Variants in ADAM8 observed in about 807,000 individuals in gnomAD.
ADAM8 encodes the protein disintegrin and metalloproteinase domain-containing protein 8.
In ADAM8, 104 loss-of-function variants were observed where a neutral mutation model predicts 102.4. That is an observed-to-expected ratio of 1.02 (90% CI 0.87 to 1.20). The LOEUF (loss-of-function observed/expected upper bound fraction) is 1.20. Ranked by LOEUF, ADAM8 falls within the 50% of genes most tolerant of loss-of-function variation. The pLI, the probability that ADAM8 is intolerant of heterozygous loss-of-function variation, is 0.00. For missense variants in ADAM8, 1,132 were observed against 1,159.0 expected (o/e 0.98, Z 0.34); for synonymous variants, 517 against 485.2 (o/e 1.07, Z -0.86).
intron 1 of ADAM8, chr10:133,275,894 G>A (rs1403096673): frequency 2.5e-5 from 8 of 320,334 alleles, no homozygotes; most frequent in African/African-American, 8.6e-5. Flanking sequence ...GGAGGGGCCC[G>A]AGGGCAAGGA....
rs1311014449 is a variant in ADAM8 at position 133,272,206 on chromosome 10, C to T, written c.944G>A (p.Gly315Glu). 6.5e-6 allele frequency: 10 copies of T among 1,549,956 alleles called. No homozygotes were observed. Among genetic ancestry groups the T allele is most frequent in the Non-Finnish European group, 8.7e-6 (10 of 1,146,748 alleles). ...GAGCCCCCTCACCTGGTTCACAGCC[C>T]CTGAGCTGTGGGAGCACATGGCGGA... ...RVSAMCSHSS[G>E]AVNQDHSKNP... Residue 315 changes from glycine (G) to glutamate (E), a missense_variant, in exon 10 of 23, where the codon GGG (glycine) becomes GAG (glutamate). Coordinates refer to ENST00000445355, the MANE Select transcript of ADAM8 (RefSeq NM_001109.5).
rs1157512804 is a variant in ADAM8 at position 133,275,570 on chromosome 10, G to A, written c.64C>T (p.Pro22Ser). The change falls in exon 2 of 23, where the codon CCC (proline) becomes TCC (serine). Residue 22 changes from proline to serine, a missense_variant. By Grantham distance (74) the Pro-to-Ser change is moderately conservative. Transcript: ENST00000445355. ...TCATACTGCTCCATGAGGGCCCAGG[G>A]CCGGCTGGGGGCAATCGCTGCAGGA... Reference protein sequence around the residue: ...MMLPAIAPSRPWALMEQYEVV... With the variant: ...MMLPAIAPSRSWALMEQYEVV... The A allele has an allele frequency of 2.7e-6, 4 of 1,491,854 alleles. No homozygotes were observed. Among genetic ancestry groups the A allele is most frequent in the Admixed American group, 2.6e-5 (1 of 38,366 alleles). 92.4% of individuals were successfully genotyped at this position (1,491,854 alleles called of 1,614,324 possible).
At chr10:133,270,006 C>T (rs758531654) in intron 16 of ADAM8, 32 bp from the exon 17 acceptor site, 1 of 1,606,350 alleles carries the variant, frequency 6.2e-7, no homozygotes, top group Non-Finnish European at 8.5e-7. Flanking sequence ...CAGGCAGCCG[C>T]TCTGGACCTC....
chr10:133,263,148 G>C lies in ADAM8; in HGVS notation c.*8C>G. The C allele has an allele frequency of 6.2e-7, 1 of 1,614,024 alleles. No individual in the cohort carries two copies. Among genetic ancestry groups the C allele is most frequent in the African/African-American group, 1.3e-5 (1 of 75,064 alleles). ...TCTCCAAATTTCCACACAGGCGCAG[G>C]TGCCCCCCTAGGGTGCTGTGGGAGC... On this transcript the variant is annotated 3_prime_UTR_variant, in exon 23 of 23. Coordinates refer to ENST00000445355, the MANE Select transcript of ADAM8 (RefSeq NM_001109.5).
At position 133,268,674 on chromosome 10, in the gene ADAM8, T is replaced by C. The variant is rs1429303249; in HGVS notation, c.2063+74A>G. 2.7e-6 allele frequency: 4 copies of C among 1,490,812 alleles called. No individual in the cohort carries two copies. In the Admixed American group the frequency reaches 5.8e-5, roughly 22 times the overall value. 92.3% of individuals were successfully genotyped at this position (1,490,812 alleles called of 1,614,324 possible). On this transcript the variant is annotated intron_variant, in intron 19 of 22. Transcript: ENST00000445355. ...CGTGCCGTCCACCATGGGCCCGTGC[T>C]GGGCACTCCTTCCTCTGGCAGCTGA...
intron 21 of ADAM8, among the ~76,000 whole-genome samples, chr10:133,265,784 C>T (rs555702626): frequency 6.6e-5 from 10 of 151,010 alleles, no homozygotes; most frequent in East Asian, 1.9e-4. Context: ...GGCGACAGAA[C>T]GAGACTCCAT....
At position 133,268,100 on chromosome 10, in the gene ADAM8, G is replaced by T; in HGVS notation, c.2082C>A (p.Thr694=). Residue 694 remains threonine, a synonymous_variant, in exon 20 of 23, where the codon ACC becomes ACA. Transcript: ENST00000445355. ...ACAGGGGGTTGGAGCGCCCCATTGT[G>T]GTCTTGGGAGCCACGTTCCTGGGGA... ...RILSRNVAPK[T]TMGRSNPLFH... is the part of the protein sequence containing the mutation. 1 of 1,273,168 alleles carries T rather than the reference G, an allele frequency of 7.9e-7. No homozygotes were observed. The highest frequency in any genetic ancestry group is 3.0e-5 in the East Asian group (1 of 33,508). 78.9% of individuals were successfully genotyped at this position (1,273,168 alleles called of 1,614,324 possible).
chr10:133,264,745 G>C (rs185966939), intron 21 of ADAM8, among the ~76,000 whole-genome samples: 1 of 147,822 alleles, frequency 6.8e-6, no homozygotes, highest in Non-Finnish European at 1.5e-5. Flanking sequence ...CTACCTCCAC[G>C]CCCGGCTCTT....
intron 2 of ADAM8, among the ~76,000 whole-genome samples, chr10:133,275,279 T>C (rs1191226482): frequency 2.6e-5 from 4 of 152,008 alleles, no homozygotes; most frequent in Non-Finnish European, 5.9e-5. Context: ...CAGGGGTCCA[T>C]AGAGCTCCTG....
At position 133,269,161 on chromosome 10, in the gene ADAM8, C is replaced by T. The variant is rs1009043369; in HGVS notation, c.1948+284G>A. 12 of 985,416 alleles carry T rather than the reference C, an allele frequency of 1.2e-5. No individual in the cohort carries two copies. In the Admixed American group the frequency reaches 1.8e-4, roughly 15 times the overall value. The allele number at this position is 985,416 out of a possible 1,614,324, so 61.0% of individuals were successfully genotyped here. ...GAAATGCTGGGTGGCCTCAGGGCCC[C>T]GGGCCGAGGAGGGGCTGGAAGACAC... On this transcript the variant is annotated intron_variant, in intron 18 of 22. Coordinates refer to ENST00000445355, the MANE Select transcript of ADAM8 (RefSeq NM_001109.5).
intron 2 of ADAM8, among the ~76,000 whole-genome samples, chr10:133,274,518 G>A (rs1846675559): frequency 7.3e-6 from 1 of 136,980 alleles, no homozygotes; most frequent in Admixed American, 7.1e-5. Flanking sequence ...GGTGGAGGGT[G>A]GAGGGTAGGG....
At chr10:133,273,232 C>T in intron 6 of ADAM8, 22 bp downstream of exon 6, 1 of 1,597,412 alleles carries the variant, frequency 6.3e-7, no homozygotes, top group Non-Finnish European at 8.5e-7. Context: ...GCCAGCCAAA[C>T]ACAGGAGACA....
At chr10:133,267,452 C>G (rs1387461227) in intron 20 of ADAM8, 35 bp from the exon 21 acceptor site, 4 of 1,577,812 alleles carry the variant, frequency 2.5e-6, no homozygotes, top group Non-Finnish European at 2.6e-6. Context: ...TGGGTCAGAG[C>G]TGGGACCCCC....
chr10:133,272,324 T>A, intron 9 of ADAM8, 50 bp from the exon 10 acceptor site: 2 of 1,430,752 alleles, frequency 1.4e-6, no homozygotes. Flanking sequence ...CCTCCCCACT[T>A]CCCTCCCACC....
chr10:133,275,137 C>G (rs530400008), intron 2 of ADAM8: 45 of 351,522 alleles, frequency 1.3e-4, no homozygotes, highest in East Asian at 3.1e-4. Flanking sequence ...AGGCCCCCCC[C>G]CCAACACAGG....
At position 133,275,881 on chromosome 10, in the gene ADAM8, T is replaced by C. The variant is rs1357487294; in HGVS notation, c.47-294A>G. The C allele has an allele frequency of 3.5e-5, 13 of 367,506 alleles. No individual in the cohort carries two copies. The Admixed American group carries it at 3.8e-4, about 11-fold the overall frequency. The allele number at this position is 367,506 out of a possible 1,614,324, so 22.8% of individuals were successfully genotyped here. On this transcript the variant is annotated intron_variant, in intron 1 of 22. Coordinates refer to ENST00000445355, the MANE Select transcript of ADAM8 (RefSeq NM_001109.5). ...ACAGGTCTCCAGGCTGTCTCAGATC[T>C]CTGGAGGGGCCCGAGGGCAAGGATG...
chr10:133,271,650 A>C lies in ADAM8; in HGVS notation c.1162T>G (p.Leu388Val). The change falls in exon 12 of 23, where the codon TTG becomes GTG. Residue 388 changes from leucine to valine, a missense_variant. By Grantham distance (32) the Leu-to-Val change is conservative. Transcript: ENST00000445355. ...AGGCACACCGACTGCGGCCGCTCCA[A>C]AAAGCTCTCCAGGTAGGCCTGGCTG... Reference protein sequence around the residue: ...DCSQAYLESFLERPQSVCLAN... With the variant: ...DCSQAYLESFVERPQSVCLAN... 6.4e-7 allele frequency: 1 copy of C among 1,559,556 alleles called. No homozygotes were observed. The highest frequency in any genetic ancestry group is 1.2e-5 in the South Asian group (1 of 85,808).
intron 19 of ADAM8, 142 bp downstream of exon 19, chr10:133,268,606 C>CG (rs1846409243): frequency 1.4e-5 from 13 of 922,864 alleles, no homozygotes; most frequent in South Asian, 6.7e-5. Context: ...CAGCCCAAGC[C>CG]GGGGGGCGTC....
At chr10:133,268,997 C>G (rs1846427255) in intron 18 of ADAM8, 135 bp from the exon 19 acceptor site, 1 of 1,458,516 alleles carries the variant, frequency 6.9e-7, no homozygotes, top group Admixed American at 2.4e-5. Flanking sequence ...GACCTGGTAC[C>G]TTACACTGGC....
Sources: allele counts gnomAD v4.1 joint callset (sites outside exome capture counted in the v4.1 genomes callset), GRCh38; gene constraint gnomAD v4.1.1; transcripts MANE v1.5; gene names NCBI Gene and HGNC (gene_info 2026-07-23, HGNC 2026-07-21).